The following PHKB variants were observed in gnomAD, a reference collection of about 807,000 sequenced individuals.
The protein encoded by PHKB is phosphorylase b kinase regulatory subunit beta.
PHKB carries 122 observed loss-of-function variants against 152.1 expected under a neutral mutation model. The ratio of observed to expected loss-of-function variants is 0.80; its 90% CI spans 0.69 to 0.93. The LOEUF (loss-of-function observed/expected upper bound fraction) is 0.93. PHKB is among the 40% of genes least tolerant of loss of function. The probability of loss-of-function intolerance (pLI) is 0.00; values close to 1 mark genes in which losing one functional copy is unlikely to be tolerated. For synonymous variants in PHKB, 436 were observed against 464.9 expected (o/e 0.94, Z 0.80); for missense variants, 1,304 against 1,328.4 (o/e 0.98, Z 0.29).
At chr16:47,680,289 G>A (rs533969432) in intron 26 of PHKB, among the ~76,000 whole-genome samples, 1 of 152,310 alleles carries the variant, frequency 6.6e-6, no homozygotes, top group African/African-American at 2.4e-5. Context: ...CTCATAAAAT[G>A]AGTTAGGGAG....
At chr16:47,534,314 C>T (rs1313363733) in intron 6 of PHKB, among the ~76,000 whole-genome samples, 1 of 152,204 alleles carries the variant, frequency 6.6e-6, no homozygotes, top group Non-Finnish European at 1.5e-5. Flanking sequence ...CTGGACTTAG[C>T]CATACCTCAC....
chr16:47,506,027 C>CAAAAAAAAAAAAAAA (rs1198434467), intron 4 of PHKB, among the ~76,000 whole-genome samples: 3 of 50,246 alleles, frequency 6.0e-5, no homozygotes, highest in South Asian at 6.7e-4. Context: ...GAAACTGTCT[C>CAAAAAAAAAAAAAAA]AAAAAAAAAA....
intron 14 of PHKB, among the ~76,000 whole-genome samples, chr16:47,628,535 AAAAT>A (rs1169108912): frequency 1.3e-5 from 2 of 152,210 alleles, no homozygotes; most frequent in Non-Finnish European, 2.9e-5. Context: ...CTGTCTCAAA[AAAAT>A]AAATAAATAA....
chr16:47,507,434 C>T (rs192967939), intron 4 of PHKB, among the ~76,000 whole-genome samples: 22 of 152,204 alleles, frequency 1.4e-4, no homozygotes, highest in African/African-American at 4.6e-4. Flanking sequence ...TTTATAATGG[C>T]ATTTCTTACT....
chr16:47,539,124 G>A (rs1041342345), intron 6 of PHKB, among the ~76,000 whole-genome samples: 1 of 152,040 alleles, frequency 6.6e-6, no homozygotes, highest in African/African-American at 2.4e-5. Flanking sequence ...CCATAATCTT[G>A]GTTTTCCATA....
At chr16:47,688,613 G>T (rs1168151269) in intron 26 of PHKB, among the ~76,000 whole-genome samples, 1 of 150,288 alleles carries the variant, frequency 6.7e-6, no homozygotes, top group Non-Finnish European at 1.5e-5. Context: ...TCAGAGAAAG[G>T]AACATTTACA....
intron 26 of PHKB, among the ~76,000 whole-genome samples, chr16:47,686,461 T>G (rs897704244): frequency 6.6e-6 from 1 of 152,186 alleles, no homozygotes; most frequent in African/African-American, 2.4e-5. Context: ...TTTACTAACA[T>G]TTTTATGACT....
At position 47,648,516 on chromosome 16, in the gene PHKB, A is replaced by C. The variant is rs1300211038; in HGVS notation, c.1609-17A>C. 1.9e-6 allele frequency: 3 copies of C among 1,574,356 alleles called. No homozygotes were observed. In the Admixed American group the frequency reaches 5.0e-5, roughly 26 times the overall value. On this transcript the variant is annotated splice_polypyrimidine_tract_variant and intron_variant, in intron 16 of 30. Coordinates refer to ENST00000323584, the MANE Select transcript of PHKB (RefSeq NM_000293.3). ...GGATTCTTACCTGACTCTAATTTAC[A>C]AACTTGTGTCTTACAGGCTTATTTG...
intron 7 of PHKB, among the ~76,000 whole-genome samples, chr16:47,573,886 C>T (rs1397529789): frequency 6.6e-6 from 1 of 152,176 alleles, no homozygotes; most frequent in African/African-American, 2.4e-5. Context: ...TGGCTTCCCT[C>T]CATCCCTGCT....
chr16:47,545,039 CTT>C (rs1971134700), intron 6 of PHKB, among the ~76,000 whole-genome samples: 2 of 152,128 alleles, frequency 1.3e-5, no homozygotes, highest in South Asian at 2.1e-4. Context: ...AGTCTTGACT[CTT>C]TATCCAGTTT....
At chr16:47,613,990 A>G (rs1392447998) in intron 14 of PHKB, among the ~76,000 whole-genome samples, 5 of 152,196 alleles carry the variant, frequency 3.3e-5, no homozygotes, top group Admixed American at 3.3e-4. Context: ...AGACTGGGTA[A>G]TTTGTAAAGA....
intron 14 of PHKB, among the ~76,000 whole-genome samples, chr16:47,629,858 G>C (rs1005422333): frequency 1.3e-5 from 2 of 152,078 alleles, no homozygotes; most frequent in African/African-American, 4.8e-5. Flanking sequence ...AAAATGATGA[G>C]TTCATGTCCT....
In PHKB at chr16:47,630,565, G is replaced by A. The variant is rs149385542; in HGVS notation, c.1459-10470G>A. On this transcript the variant is annotated intron_variant, in intron 14 of 30. Coordinates refer to ENST00000323584, the MANE Select transcript of PHKB (RefSeq NM_000293.3). ...GTTTTCTTAAAACCTGATCTCAGGTGTCTGAAGAAGAGACTGTTGGTGAGA... is the reference window on the plus strand; with the variant it reads ...GTTTTCTTAAAACCTGATCTCAGGTATCTGAAGAAGAGACTGTTGGTGAGA... Among the ~76,000 whole-genome samples the A allele has an allele frequency of 5.1e-3, 773 of 152,270 alleles. 7 individuals carry two copies. The highest frequency in any genetic ancestry group is 0.037 in the Middle Eastern group (11 of 294).
At chr16:47,489,709 G>A (rs559846213) in intron 1 of PHKB, among the ~76,000 whole-genome samples, 21 of 152,300 alleles carry the variant, frequency 1.4e-4, no homozygotes, top group African/African-American at 4.3e-4. Context: ...CAAGAACTGC[G>A]TAGGCAATGG....
At chr16:47,623,837 C>A (rs560788855) in intron 14 of PHKB, among the ~76,000 whole-genome samples, 1 of 152,062 alleles carries the variant, frequency 6.6e-6, no homozygotes, top group Non-Finnish European at 1.5e-5. Context: ...GGATTACAGG[C>A]GTGAGCCACC....
chr16:47,499,213 C>T (rs565659010), intron 2 of PHKB, among the ~76,000 whole-genome samples: 1 of 152,198 alleles, frequency 6.6e-6, no homozygotes, highest in South Asian at 2.1e-4. Context: ...CTGTAGACTC[C>T]CTCTGAAGAC....
chr16:47,519,727 G>A (rs1385374811), intron 6 of PHKB, among the ~76,000 whole-genome samples: 2 of 152,182 alleles, frequency 1.3e-5, no homozygotes, highest in Admixed American at 6.5e-5. Context: ...CCTATTCAGT[G>A]TAGGCAGGAT....
intron 4 of PHKB, among the ~76,000 whole-genome samples, chr16:47,508,331 G>T (rs979115960): frequency 6.6e-6 from 1 of 152,056 alleles, no homozygotes; most frequent in Admixed American, 6.6e-5. Flanking sequence ...TTATAATTCT[G>T]CCTACAGAGA....
intron 26 of PHKB, among the ~76,000 whole-genome samples, chr16:47,670,242 A>G (rs1490056184): frequency 1.3e-5 from 2 of 152,242 alleles, no homozygotes; most frequent in East Asian, 3.8e-4. Flanking sequence ...TAATCTAACA[A>G]GTGGCCAACT....
Sources: gnomAD v4.1 joint callset for allele counts (sites outside exome capture counted in the v4.1 genomes callset) on GRCh38, gnomAD v4.1.1 for gene constraint, MANE v1.5 for transcripts, NCBI Gene and HGNC (gene_info 2026-07-23, HGNC 2026-07-21) for gene names.